CPNE8: variants seen among roughly 807,000 people sequenced by gnomAD.
CPNE8 encodes copine 8, also known as copine-8.
A neutral mutation model predicts 81.5 loss-of-function variants in CPNE8; 45 were observed. That is an observed-to-expected ratio of 0.55 (90% confidence interval 0.44 to 0.71). The LOEUF is 0.71. CPNE8 is among the 30% of genes least tolerant of loss of function. The pLI, the probability that CPNE8 is intolerant of heterozygous loss-of-function variation, is 0.00. For synonymous variants in CPNE8, 252 were observed against 226.3 expected, an observed-to-expected ratio of 1.11 and a Z score of -1.02; for missense variants, 594 against 672.1, an observed-to-expected ratio of 0.88 and a Z score of 1.28.
chr12:38,787,597 A>C (rs1387598268), intron 6 of CPNE8, among the ~76,000 whole-genome samples: 1 of 151,926 alleles, frequency 6.6e-6, no homozygotes, highest in Non-Finnish European at 1.5e-5. Context: ...AGAAATAATA[A>C]AGATCAAAGC....
intron 10 of CPNE8, among the ~76,000 whole-genome samples, chr12:38,739,188 T>C (rs1011052670): frequency 2.0e-5 from 3 of 152,222 alleles, no homozygotes; most frequent in African/African-American, 7.2e-5. Flanking sequence ...ATGTCTTATA[T>C]GGTTTTTGAA....
At chr12:38,789,563 C>T (rs1942276315) in intron 6 of CPNE8, among the ~76,000 whole-genome samples, 1 of 151,268 alleles carries the variant, frequency 6.6e-6, no homozygotes, top group Non-Finnish European at 1.5e-5. Context: ...TAGGTAATAT[C>T]CCATTGGCAA....
intron 6 of CPNE8, among the ~76,000 whole-genome samples, chr12:38,789,701 C>T (rs1942278549): frequency 6.6e-6 from 1 of 151,706 alleles, no homozygotes; most frequent in Non-Finnish European, 1.5e-5. Flanking sequence ...ACCCATCTGA[C>T]AAGGGATTCA....
chr12:38,721,040 C>T (rs1255933580), intron 13 of CPNE8: 2 of 152,780 alleles, frequency 1.3e-5, no homozygotes, highest in East Asian at 1.9e-4. Context: ...TGCCTGGCTT[C>T]TCCCTGCTGT....
chr12:38,751,952 C>A (rs2136825289), intron 10 of CPNE8, among the ~76,000 whole-genome samples: 1 of 152,208 alleles, frequency 6.6e-6, no homozygotes, highest in African/African-American at 2.4e-5. Flanking sequence ...CTTTACTGTT[C>A]TTTTCTTTCA....
chr12:38,752,670 A>C (rs932143033), intron 10 of CPNE8, among the ~76,000 whole-genome samples: 1 of 152,216 alleles, frequency 6.6e-6, no homozygotes, highest in African/African-American at 2.4e-5. Context: ...AATATCAAGA[A>C]ATATGCTCAA....
chr12:38,778,540 A>G (rs1256194880), intron 6 of CPNE8, among the ~76,000 whole-genome samples: 1 of 151,986 alleles, frequency 6.6e-6, no homozygotes, highest in East Asian at 1.9e-4. Context: ...ACTGTTCCCT[A>G]TTTCGCCTCA....
chr12:38,688,682 G>A (rs1939599135), intron 15 of CPNE8, among the ~76,000 whole-genome samples: 1 of 151,964 alleles, frequency 6.6e-6, no homozygotes, highest in Admixed American at 6.6e-5. Flanking sequence ...CGGCAACCTA[G>A]ATGGAGTTGG....
At position 38,764,343 on chromosome 12, in the gene CPNE8, C is replaced by T. The variant is rs1372043935; in HGVS notation, c.576-2127G>A. Among the ~76,000 whole-genome samples the T allele has an allele frequency of 2.6e-5, 4 of 152,002 alleles. No homozygotes were observed. The South Asian group carries it at 8.3e-4, about 32-fold the overall frequency. The stretch of plus-strand genomic sequence containing the variant: ...TTTTAAGAAAAAGTCATAGGCCGGG[C>T]GCAGTAGCTCACGCCTGTAATCCCA... On this transcript the variant is annotated intron_variant, in intron 8 of 19. Transcript: ENST00000331366.
At chr12:38,825,853 A>G (rs1013476815) in intron 6 of CPNE8, among the ~76,000 whole-genome samples, 2 of 152,202 alleles carry the variant, frequency 1.3e-5, no homozygotes, top group African/African-American at 4.8e-5. Context: ...GCCTTAATTA[A>G]TAAAGCCAAA....
chr12:38,799,716 G>T (rs112862088), intron 6 of CPNE8, among the ~76,000 whole-genome samples: 10 of 150,106 alleles, frequency 6.7e-5, no homozygotes, highest in South Asian at 4.3e-4. Context: ...CGCAGAAGAC[G>T]GGTGATTTCT....
chr12:38,833,350 T>TAAAAAAAAAA (rs1943322204), intron 5 of CPNE8, among the ~76,000 whole-genome samples: 1 of 69,222 alleles, frequency 1.4e-5, no homozygotes. Flanking sequence ...AGACCTTATC[T>TAAAAAAAAAA]CAAAAAAAAA....
chr12:38,870,032 G>C (rs758212723), intron 3 of CPNE8, among the ~76,000 whole-genome samples: 2 of 152,194 alleles, frequency 1.3e-5, no homozygotes, highest in Non-Finnish European at 2.9e-5. Flanking sequence ...TATAAACGAA[G>C]AGCATAAAGG....
chr12:38,818,357 C>T (rs1335064523), intron 6 of CPNE8, among the ~76,000 whole-genome samples: 4 of 152,168 alleles, frequency 2.6e-5, no homozygotes, highest in Non-Finnish European at 5.9e-5. Context: ...CATTGTTCAA[C>T]TCCCTCTTAT....
intron 11 of CPNE8, among the ~76,000 whole-genome samples, chr12:38,728,103 G>C (rs995606783): frequency 2.0e-5 from 3 of 152,166 alleles, no homozygotes; most frequent in Admixed American, 6.6e-5. Context: ...GGAGAAGCTG[G>C]AGGATCTGAT....
At chr12:38,765,134 C>T (rs570798647) in intron 8 of CPNE8, among the ~76,000 whole-genome samples, 1 of 152,178 alleles carries the variant, frequency 6.6e-6, no homozygotes, top group Admixed American at 6.5e-5. Flanking sequence ...TAATCATTCT[C>T]ATTTCTAATG....
chr12:38,837,695 CA>C lies in CPNE8; in HGVS notation c.330+2220del, dbSNP rs560237974. ...ATGAATGTTTCAAGAACGGAGTAGT[CA>C]ATCCTATTTGGAACAGAGAGAGAGA... On this transcript the variant is annotated intron_variant, in intron 5 of 19. Coordinates refer to ENST00000331366, the MANE Select transcript of CPNE8 (RefSeq NM_153634.3). Among the ~76,000 whole-genome samples, 11 of 152,002 alleles carry C rather than the reference CA, an allele frequency of 7.2e-5. No individual in the cohort carries two copies. In the East Asian group the frequency reaches 1.2e-3, roughly 16 times the overall value.
At position 38,705,929 on chromosome 12, in the gene CPNE8, A is replaced by G. The variant is rs1940096607; in HGVS notation, c.915-3008T>C. On this transcript the variant is annotated intron_variant, in intron 13 of 19. Coordinates refer to ENST00000331366, the MANE Select transcript of CPNE8 (RefSeq NM_153634.3). ...AATATATATATACATATATCATAAG[A>G]TATTCACATTATACATATCACACAT... Among the ~76,000 whole-genome samples the G allele has an allele frequency of 2.6e-5, 4 of 152,232 alleles. No individual in the cohort carries two copies. The South Asian group carries it at 8.3e-4, about 32-fold the overall frequency.
Position 38,652,746 on chromosome 12 carries a change from A to C in CPNE8, c.*1136T>G, listed in dbSNP as rs1938726715. ...ACTTCACAAAACTGTAATTCTTGTA[A>C]AAACTGTACATGCAAAAACCCTTTA... On this transcript the variant is annotated 3_prime_UTR_variant, in exon 20 of 20. Coordinates refer to ENST00000331366, the MANE Select transcript of CPNE8 (RefSeq NM_153634.3). 6.6e-6 allele frequency: 1 copy of C among 152,640 alleles called. No individual in the cohort carries two copies. The highest frequency in any genetic ancestry group is 6.5e-5 in the Admixed American group (1 of 15,282). 9.5% of individuals were successfully genotyped at this position (152,640 alleles called of 1,614,324 possible).
Sources: allele counts gnomAD v4.1 joint callset (sites outside exome capture counted in the v4.1 genomes callset), GRCh38; gene constraint gnomAD v4.1.1; transcripts MANE v1.5; gene names NCBI Gene and HGNC (gene_info 2026-07-23, HGNC 2026-07-21).